PTBP3: variants seen among roughly 807,000 people sequenced by gnomAD.
PTBP3 encodes the protein polypyrimidine tract binding protein 3.
Under a neutral mutation model 58.7 loss-of-function variants are expected in PTBP3, and 20 were observed. The ratio of observed to expected loss-of-function variants is 0.34; its 90% confidence interval spans 0.24 to 0.50. PTBP3 has a LOEUF of 0.50. Ranked by LOEUF, PTBP3 falls within the 20% of genes least tolerant of loss-of-function variation. PTBP3 has a pLI of 0.98. For missense variants in PTBP3, 509 were observed against 637.2 expected, an observed-to-expected ratio of 0.80 and a Z score of 2.17; for synonymous variants, 185 against 219.8, an observed-to-expected ratio of 0.84 and a Z score of 1.40.
At chr9:112,366,391 C>T in the PTBP3 span, among the ~76,000 whole-genome samples, 1 of 151,982 alleles carries the variant, frequency 6.6e-6, no homozygotes, top group African/African-American at 2.4e-5. Context: ...CCTCCCATCA[C>T]AGGAGGAAAA....
At chr9:112,343,188 G>A in the PTBP3 span, among the ~76,000 whole-genome samples, 1 of 148,496 alleles carries the variant, frequency 6.7e-6, no homozygotes, top group Admixed American at 6.9e-5. Flanking sequence ...TCTGGACAGT[G>A]GTTATTCAGA....
rs1272638086 is a variant in PTBP3, at chr9:112,234,813, G to GA, written c.880+6dup. 2 of 1,604,700 alleles carry GA rather than the reference G, an allele frequency of 1.2e-6. No homozygotes were observed. Among genetic ancestry groups the GA allele is most frequent in the African/African-American group, 1.3e-5 (1 of 74,644 alleles). On this transcript the variant is annotated splice_region_variant and intron_variant, in intron 8 of 13. Coordinates refer to ENST00000374257, the MANE Select transcript of PTBP3 (RefSeq NM_001163788.4). ...AAGTCATTTCAAATCCAACTTAAAAGAATCACCTGTAGCTTGAGGAAATCC... is the reference window on the plus strand; with the variant it reads ...AAGTCATTTCAAATCCAACTTAAAAGAAATCACCTGTAGCTTGAGGAAATCC...
At chr9:112,235,674 T>C (rs1835412580) in intron 7 of PTBP3, among the ~76,000 whole-genome samples, 2 of 152,158 alleles carry the variant, frequency 1.3e-5, no homozygotes, top group African/African-American at 4.8e-5. Context: ...CTCAGATTAT[T>C]GTAAGTAAAC....
chr9:112,245,271 C>T (rs1835832495), intron 7 of PTBP3, among the ~76,000 whole-genome samples: 1 of 152,230 alleles, frequency 6.6e-6, no homozygotes, highest in Non-Finnish European at 1.5e-5. Flanking sequence ...GATTGTACCA[C>T]TGCATTCCAG....
Position 112,297,736 on chromosome 9 carries a change from T to C in PTBP3, c.34+96A>G, listed in dbSNP as rs1032987162. The C allele has an allele frequency of 2.0e-5, 20 of 982,526 alleles. No homozygotes were observed. In the East Asian group the frequency reaches 3.3e-4, roughly 16 times the overall value. The allele number at this position is 982,526 out of a possible 1,614,324, so 60.9% of individuals were successfully genotyped here. A position where few individuals can be genotyped will look rare whatever the true frequency, so the allele number is the denominator to read the frequency against. On this transcript the variant is annotated intron_variant, in intron 2 of 13. Transcript: ENST00000374257. ...AAATTTTAGCTTTTGTTATGAACAG[T>C]GGCACTTCAACATGATATAAGCAAA...
chr9:112,239,705 T>A (rs959480933), intron 7 of PTBP3, among the ~76,000 whole-genome samples: 1 of 150,012 alleles, frequency 6.7e-6, no homozygotes, highest in African/African-American at 2.5e-5. Context: ...CACTCCAGCC[T>A]GGGTAACAGA....
At position 112,332,895 on chromosome 9, in the gene PTBP3, G is replaced by A. The variant is rs758689719; in HGVS notation, c.-52+575C>T. 6 of 1,597,756 alleles carry A rather than the reference G, an allele frequency of 3.8e-6. No homozygotes were observed. The Admixed American group carries it at 5.1e-5, about 14-fold the overall frequency. ...CGAGAAAGCGTTAACGTATCTCACA[G>A]CACAAGTCGGGAGACCTCGGCCAAG... On this transcript the variant is annotated intron_variant, in intron 1 of 13. Transcript: ENST00000374257.
chr9:112,254,041 AC>A (rs1238119217), intron 5 of PTBP3, among the ~76,000 whole-genome samples: 1 of 152,178 alleles, frequency 6.6e-6, no homozygotes, highest in Non-Finnish European at 1.5e-5. Context: ...GCTGTTACCA[AC>A]CACTATGGTA....
chr9:112,252,423 T>G (rs561778412), intron 6 of PTBP3: 21 of 446,282 alleles, frequency 4.7e-5, no homozygotes, highest in South Asian at 2.7e-4. Flanking sequence ...AATTCTAGAC[T>G]TTAAACATGA....
At chr9:112,232,009 G>GAAA (rs1564391767) in intron 9 of PTBP3, 90 bp downstream of exon 9, 1 of 740,778 alleles carries the variant, frequency 1.3e-6, no homozygotes, top group African/African-American at 4.2e-5. Context: ...GAGAAGAGAA[G>GAAA]AGAAGAGAAG....
intron 2 of PTBP3, among the ~76,000 whole-genome samples, chr9:112,289,572 G>T (rs1056764076): frequency 6.6e-6 from 1 of 152,164 alleles, no homozygotes; most frequent in Non-Finnish European, 1.5e-5. Flanking sequence ...CTTGAGCCCA[G>T]AAGTTTGAGG....
chr9:112,257,376 T>C (rs1836413566), intron 5 of PTBP3, among the ~76,000 whole-genome samples: 1 of 152,182 alleles, frequency 6.6e-6, no homozygotes. Context: ...TATCAAAAAT[T>C]AAAATTCAGG....
intron 2 of PTBP3, among the ~76,000 whole-genome samples, chr9:112,291,502 C>T (rs942284308): frequency 1.3e-5 from 2 of 152,190 alleles, no homozygotes; most frequent in Non-Finnish European, 2.9e-5. Flanking sequence ...CAGTATGTTA[C>T]TGACATAAAG....
the PTBP3 span, among the ~76,000 whole-genome samples, chr9:112,370,695 G>A: frequency 1.3e-5 from 2 of 152,164 alleles, no homozygotes; most frequent in African/African-American, 4.8e-5. Flanking sequence ...GATAGGGATT[G>A]TATTGAATTT....
intron 2 of PTBP3, among the ~76,000 whole-genome samples, chr9:112,289,960 A>T (rs1828307407): frequency 1.3e-5 from 2 of 152,250 alleles, no homozygotes; most frequent in South Asian, 4.1e-4. Flanking sequence ...AAAAGAAAAG[A>T]CTTCTTAAGC....
chr9:112,234,056 A>G (rs1835353556), intron 8 of PTBP3, among the ~76,000 whole-genome samples: 1 of 151,140 alleles, frequency 6.6e-6, no homozygotes, highest in East Asian at 1.9e-4. Context: ...AAAGTCATGA[A>G]TCAGTTTAAG....
intron 1 of PTBP3, among the ~76,000 whole-genome samples, chr9:112,321,756 A>G (rs538013151): frequency 6.6e-6 from 1 of 152,220 alleles, no homozygotes; most frequent in East Asian, 1.9e-4. Context: ...CTGAGTATGA[A>G]CTAACATACA....
chr9:112,257,715 A>AGATC (rs1355953045), intron 5 of PTBP3, among the ~76,000 whole-genome samples: 1 of 152,162 alleles, frequency 6.6e-6, no homozygotes, highest in African/African-American at 2.4e-5. Flanking sequence ...CAAGGTGGGC[A>AGATC]GATCACCTGA....
chr9:112,349,812 C>G, the PTBP3 span, among the ~76,000 whole-genome samples: 50 of 133,060 alleles, frequency 3.8e-4, no homozygotes, highest in Admixed American at 1.2e-3. Context: ...TGCGGTGAAC[C>G]GAGATTGCGC....
Sources: gnomAD v4.1 joint callset for allele counts (sites outside exome capture counted in the v4.1 genomes callset) on GRCh38, gnomAD v4.1.1 for gene constraint, MANE v1.5 for transcripts, NCBI Gene and HGNC (gene_info 2026-07-23, HGNC 2026-07-21) for gene names.